The following PHF24 variants were observed in gnomAD, a reference collection of about 807,000 sequenced individuals.
The protein encoded by PHF24 is Galpha inhibitory interacting protein.
Under a neutral mutation model 42.6 loss-of-function variants are expected in PHF24, and 25 were observed. That is an observed-to-expected ratio of 0.59 (90% confidence interval 0.43 to 0.82). The LOEUF is 0.82. PHF24 is among the 40% of genes least tolerant of loss of function. The probability of loss-of-function intolerance (pLI) is 0.00; values close to 1 mark genes in which losing one functional copy is unlikely to be tolerated. For synonymous variants in PHF24, 185 were observed against 204.8 expected, an observed-to-expected ratio of 0.90 and a Z score of 0.83; for missense variants, 470 against 538.1, an observed-to-expected ratio of 0.87 and a Z score of 1.25.
chr9:34,709,546 C>A, the PHF24 span: 39 of 1,614,008 alleles, frequency 2.4e-5, no homozygotes, highest in South Asian at 3.8e-4. Flanking sequence ...GTCTTGGAGG[C>A]CCCCCTGTCC....
chr9:34,932,988 T>C, the PHF24 span, among the ~76,000 whole-genome samples: 5 of 147,092 alleles, frequency 3.4e-5, no homozygotes, highest in African/African-American at 7.5e-5. Context: ...GGAACTCTTT[T>C]TTTTTTTTTT....
chr9:34,791,174 C>T, the PHF24 span, among the ~76,000 whole-genome samples: 1 of 152,194 alleles, frequency 6.6e-6, no homozygotes, highest in Non-Finnish European at 1.5e-5. Context: ...ACAATCAGTG[C>T]ATAGATTCAT....
chr9:34,814,545 A>C, the PHF24 span, among the ~76,000 whole-genome samples: 1 of 152,182 alleles, frequency 6.6e-6, no homozygotes, highest in Non-Finnish European at 1.5e-5. Flanking sequence ...TCTATCATAG[A>C]TGCTGTGCCA....
the PHF24 span, among the ~76,000 whole-genome samples, chr9:34,829,573 C>T: frequency 6.6e-6 from 1 of 152,160 alleles, no homozygotes; most frequent in African/African-American, 2.4e-5. Context: ...CTAATTACTT[C>T]CTCCTGTGGC....
chr9:34,887,337 G>T, the PHF24 span, among the ~76,000 whole-genome samples: 1 of 152,124 alleles, frequency 6.6e-6, no homozygotes, highest in East Asian at 1.9e-4. Context: ...ACATAAGTCA[G>T]ATCTAAGCAG....
the PHF24 span, chr9:34,922,198 C>T: frequency 1.3e-6 from 2 of 1,589,612 alleles, no homozygotes; most frequent in Non-Finnish European, 1.7e-6. Context: ...TTTTCCCCTC[C>T]TTCTCCTGCT....
the PHF24 span, among the ~76,000 whole-genome samples, chr9:34,782,383 T>G: frequency 6.6e-6 from 1 of 152,140 alleles, no homozygotes; most frequent in Non-Finnish European, 1.5e-5. Context: ...GTTCACTCCA[T>G]CCACAGCTCC....
the PHF24 span, among the ~76,000 whole-genome samples, chr9:34,695,362 C>T: frequency 6.6e-6 from 1 of 152,158 alleles, no homozygotes; most frequent in Admixed American, 6.5e-5. Flanking sequence ...TTTTTTTCCC[C>T]ATACCTCACT....
At chr9:34,886,236 C>T in the PHF24 span, among the ~76,000 whole-genome samples, 1 of 136,340 alleles carries the variant, frequency 7.3e-6, no homozygotes, top group Non-Finnish European at 1.5e-5. Flanking sequence ...AACCATCCAA[C>T]AGACTAAATC....
chr9:34,976,865 G>A, intron 5 of PHF24, 125 bp downstream of exon 5: 7 of 945,782 alleles, frequency 7.4e-6, no homozygotes, highest in Non-Finnish European at 1.1e-5. Context: ...AATGGGCTCA[G>A]GTTCCATCCA....
At chr9:34,950,098 A>T in the PHF24 span, among the ~76,000 whole-genome samples, 2 of 151,942 alleles carry the variant, frequency 1.3e-5, no homozygotes, top group Non-Finnish European at 2.9e-5. Flanking sequence ...TAATTATATT[A>T]AAAAAAGAAT....
At chr9:34,781,530 G>A in the PHF24 span, among the ~76,000 whole-genome samples, 6 of 151,982 alleles carry the variant, frequency 3.9e-5, no homozygotes, top group African/African-American at 1.2e-4. Context: ...ATAATGTGAC[G>A]GTTGTACAAC....
chr9:34,892,974 T>G, the PHF24 span: 1 of 710,372 alleles, frequency 1.4e-6, no homozygotes, highest in Non-Finnish European at 2.5e-6. Context: ...ACACTAGATG[T>G]GGACAAAGCC....
chr9:34,696,351 G>A, the PHF24 span, among the ~76,000 whole-genome samples: 1 of 152,032 alleles, frequency 6.6e-6, no homozygotes, highest in South Asian at 2.1e-4. Flanking sequence ...AGCCAGGCAC[G>A]CTGGCGAGTG....
chr9:34,915,267 A>G, the PHF24 span, among the ~76,000 whole-genome samples: 2 of 152,018 alleles, frequency 1.3e-5, no homozygotes, highest in Non-Finnish European at 2.9e-5. Flanking sequence ...CCCATTAAGC[A>G]GATATCATAG....
the PHF24 span, among the ~76,000 whole-genome samples, chr9:34,751,634 A>G: frequency 6.6e-6 from 1 of 152,218 alleles, no homozygotes; most frequent in African/African-American, 2.4e-5. Flanking sequence ...TCAGCATTAA[A>G]CAAATCATCC....
chr9:34,668,939 G>T, the PHF24 span, among the ~76,000 whole-genome samples: 1 of 152,192 alleles, frequency 6.6e-6, no homozygotes, highest in Non-Finnish European at 1.5e-5. Context: ...TAAGGCATCA[G>T]TGTGACTATT....
At chr9:34,679,033 C>T in the PHF24 span, among the ~76,000 whole-genome samples, 1 of 152,248 alleles carries the variant, frequency 6.6e-6, no homozygotes, top group Non-Finnish European at 1.5e-5. Context: ...AGGCCAGATA[C>T]TCACATTCCC....
the PHF24 span, among the ~76,000 whole-genome samples, chr9:34,871,422 G>A: frequency 6.6e-6 from 1 of 152,124 alleles, no homozygotes; most frequent in Admixed American, 6.6e-5. Context: ...GTCTTTCAGA[G>A]AGAAGACTTT....
Sources: allele counts gnomAD v4.1 joint callset (sites outside exome capture counted in the v4.1 genomes callset), GRCh38; gene constraint gnomAD v4.1.1; transcripts MANE v1.5; gene names NCBI Gene and HGNC (gene_info 2026-07-23, HGNC 2026-07-21).